COL6A1: variants seen among roughly 807,000 people sequenced by gnomAD.
COL6A1 encodes the protein collagen alpha-1(VI) chain.
A neutral mutation model predicts 145.6 loss-of-function variants in COL6A1; 80 were observed. That is an observed-to-expected ratio of 0.55 (90% CI 0.46 to 0.66). The LOEUF is 0.66. Among genes scored for constraint, COL6A1 ranks in the 30% least tolerant of loss-of-function variants. COL6A1 has a pLI of 0.00. For missense variants in COL6A1, 1,364 were observed against 1,473.8 expected (o/e 0.93, Z 1.22); for synonymous variants, 638 against 622.8 (o/e 1.02, Z -0.36).
intron 28 of COL6A1, 64 bp downstream of exon 28, chr21:46,000,431 C>T (rs1215087952): frequency 6.4e-7 from 1 of 1,571,016 alleles, no homozygotes; most frequent in Non-Finnish European, 8.8e-7. Flanking sequence ...GCCTGTTCCA[C>T]TCCTAGAAGG....
chr21:45,984,175 C>A, intron 2 of COL6A1, 94 bp from the exon 3 acceptor site: 1 of 1,240,716 alleles, frequency 8.1e-7, no homozygotes, highest in Non-Finnish European at 1.1e-6. Context: ...CAGGGTGGGG[C>A]AGCCTGTCCA....
Position 45,991,022 on chromosome 21 carries a change from T to C in COL6A1, c.1100T>C (p.Phe367Ser), listed in dbSNP as rs1382099123. The change falls in exon 15 of 35, where the codon TTT becomes TCT. Residue 367 changes from phenylalanine to serine, a missense_variant. Around this residue, in one of 3 missense-constraint regions of COL6A1, gnomAD observed 938 missense variants for 1,003.8 expected, o/e 0.93. Transcript: ENST00000361866. ...GGCCCCAAGGGAGACCCCGGTGCCT[T>C]TGGACTGAAAGGAGAAAAGGTGAGT... is the stretch of plus-strand genomic sequence containing the variant. ...PPGPKGDPGAFGLKGEKGEPG... is the reference protein window; with the variant it reads ...PPGPKGDPGASGLKGEKGEPG... 1 of 1,613,146 alleles carries C rather than the reference T, an allele frequency of 6.2e-7. No homozygotes were observed. Among genetic ancestry groups the C allele is most frequent in the Non-Finnish European group, 8.5e-7 (1 of 1,179,912 alleles).
At position 45,992,185 on chromosome 21, in the gene COL6A1, C is replaced by A. The variant is rs983326119; in HGVS notation, c.1204C>A (p.Pro402Thr). The change falls in exon 17 of 35, where the codon CCC (proline) becomes ACC (threonine). Residue 402 changes from proline to threonine, a missense_variant. By Grantham distance (38) the Pro-to-Thr change is conservative. Coordinates refer to ENST00000361866, the MANE Select transcript of COL6A1 (RefSeq NM_001848.3). ...GDEGQPGEPG[P>T]PGEKGEAGDE... Reference sequence around the variant, plus strand: ...ACAGGGCCAGCCGGGAGAGCCTGGGCCCCCCGGAGAGAAAGGAGAGGCGGG... The same window carrying A: ...ACAGGGCCAGCCGGGAGAGCCTGGGACCCCCGGAGAGAAAGGAGAGGCGGG... 6.2e-7 allele frequency: 1 copy of A among 1,613,536 alleles called. No homozygotes were observed. The highest frequency in any genetic ancestry group is 8.5e-7 in the Non-Finnish European group (1 of 1,179,986).
rs117826437 is a variant in COL6A1, at chr21:46,004,212, A to G, written c.*199A>G. On this transcript the variant is annotated 3_prime_UTR_variant, in exon 35 of 35. Transcript: ENST00000361866. ...CGGGGCTCAGCCCTGAGTTGGCATC[A>G]CCTGCGCAGGGCCCTCTGGGGCTCA... 1,826 of 699,434 alleles carry G rather than the reference A, an allele frequency of 2.6e-3. 42 individuals carry two copies. In the East Asian group the frequency reaches 0.043, roughly 16 times the overall value. The allele number at this position is 699,434 out of a possible 1,614,324, so 43.3% of individuals were successfully genotyped here.
chr21:45,992,122 G>A (rs749952834), intron 16 of COL6A1, 42 bp from the exon 17 acceptor site: 27 of 1,613,522 alleles, frequency 1.7e-5, no homozygotes, highest in Non-Finnish European at 2.3e-5. Flanking sequence ...CCCAGGGAGG[G>A]TCAAGGAGAT....
chr21:46,002,244 C>CG lies in COL6A1; in HGVS notation c.2096dup (p.Gly700ArgfsTer30). The CG allele has an allele frequency of 6.2e-7, 1 of 1,601,854 alleles. No homozygotes were observed. Among genetic ancestry groups the CG allele is most frequent in the Non-Finnish European group, 8.5e-7 (1 of 1,177,142 alleles). ...GCCATCAAGAGCCTGCAGTGGATGG[C>CG]GGGCGGCACCTTCACGGGGGAGGCC... is the stretch of plus-strand genomic sequence containing the variant. On this transcript the variant is annotated frameshift_variant, in exon 32 of 35. Transcript: ENST00000361866. LOFTEE classifies it high-confidence loss of function.
chr21:45,985,037 G>A (rs1459993184), intron 3 of COL6A1, among the ~76,000 whole-genome samples: 1 of 151,338 alleles, frequency 6.6e-6, no homozygotes, highest in Non-Finnish European at 1.5e-5. Flanking sequence ...GAGAAGCAGA[G>A]ACAGAGAAAC....
At chr21:45,993,028 G>C (rs369857779) in intron 19 of COL6A1, among the ~76,000 whole-genome samples, 2 of 152,226 alleles carry the variant, frequency 1.3e-5, no homozygotes, top group African/African-American at 4.8e-5. Flanking sequence ...GGCGTTGCCC[G>C]TGGACCCGGT....
rs766529458 is a variant in COL6A1, at chr21:45,992,745, C to T, written c.1273-3C>T. On this transcript the variant is annotated splice_polypyrimidine_tract_variant and splice_region_variant and intron_variant, in intron 18 of 34. Transcript: ENST00000361866. Reference sequence around the variant, plus strand: ...CTTCTCCCCTCCATGTCTCTCCACTCAGGGTGGCCCTGGAGAGAGAGGACC... The same window carrying T: ...CTTCTCCCCTCCATGTCTCTCCACTTAGGGTGGCCCTGGAGAGAGAGGACC... 1.9e-6 allele frequency: 3 copies of T among 1,589,008 alleles called. No homozygotes were observed. The African/African-American group carries it at 4.0e-5, about 21-fold the overall frequency.
rs374735117 is a variant in COL6A1, at chr21:45,999,598, C to T, written c.1741-59C>T. 2.0e-4 allele frequency: 320 copies of T among 1,589,974 alleles called. 2 individuals carry two copies. The African/African-American group carries it at 3.9e-3, about 19-fold the overall frequency. On this transcript the variant is annotated intron_variant, in intron 26 of 34. Coordinates refer to ENST00000361866, the MANE Select transcript of COL6A1 (RefSeq NM_001848.3). ...GCCCTGGGGGTGGGGGCTGTCTCAG[C>T]TCAGGAAGCACAGTGGGCTCCTCAC...
At chr21:46,001,218 G>A (rs753293819) in intron 29 of COL6A1, 35 bp from the exon 30 acceptor site, 11 of 1,592,584 alleles carry the variant, frequency 6.9e-6, no homozygotes, top group Admixed American at 6.7e-5. Context: ...CTGGAGGGGA[G>A]GGGCGTGCTC....
intron 3 of COL6A1, among the ~76,000 whole-genome samples, chr21:45,985,754 G>A (rs921536392): frequency 6.6e-6 from 1 of 152,238 alleles, no homozygotes. Flanking sequence ...CCCCGAGGTC[G>A]GTCTCAGAGG....
intron 3 of COL6A1, among the ~76,000 whole-genome samples, chr21:45,984,751 A>G (rs1221527855): frequency 6.6e-6 from 1 of 150,416 alleles, no homozygotes; most frequent in Non-Finnish European, 1.5e-5. Context: ...CAGAGGGACC[A>G]AGACAGGCAG....
At chr21:45,986,135 C>T (rs997550150) in intron 3 of COL6A1, among the ~76,000 whole-genome samples, 1 of 152,178 alleles carries the variant, frequency 6.6e-6, no homozygotes, top group Admixed American at 6.5e-5. Flanking sequence ...CCTGCAAGAG[C>T]CACGGTGACC....
Position 45,981,963 on chromosome 21 carries a change from G to A in COL6A1, c.97+16G>A, listed in dbSNP as rs752565570. 1.2e-5 allele frequency: 19 copies of A among 1,587,466 alleles called. No homozygotes were observed. Among genetic ancestry groups the A allele is most frequent in the Non-Finnish European group, 1.5e-5 (18 of 1,163,676 alleles). On this transcript the variant is annotated intron_variant, in intron 1 of 34. Transcript: ENST00000361866. ...GCCTTCCAGGGTGAGTGGTGGCTTGGGGTGCAGGCTCCAGACCCCCCGCTC... is the reference window on the plus strand; with the variant it reads ...GCCTTCCAGGGTGAGTGGTGGCTTGAGGTGCAGGCTCCAGACCCCCCGCTC...
At chr21:45,999,923 A>G (rs1236141147) in intron 27 of COL6A1, among the ~76,000 whole-genome samples, 17 of 39,742 alleles carry the variant, frequency 4.3e-4, no homozygotes, top group Non-Finnish European at 6.7e-4. Context: ...CATGGGGGAC[A>G]TGTGAGGATC....
chr21:45,984,428 C>A lies in COL6A1; in HGVS notation c.387C>A (p.Thr129=), dbSNP rs377140588. ...AVKYFGKGTY[T]DCAIKKGLEQ... ...AGTACTTTGGGAAGGGCACCTACACCGACTGCGCTATCAAGAAGGGGCTGG... is the reference window on the plus strand; with the variant it reads ...AGTACTTTGGGAAGGGCACCTACACAGACTGCGCTATCAAGAAGGGGCTGG... The change falls in exon 3 of 35, where the codon ACC becomes ACA. Residue 129 remains threonine (T), a synonymous_variant. Coordinates refer to ENST00000361866, the MANE Select transcript of COL6A1 (RefSeq NM_001848.3). The A allele has an allele frequency of 2.9e-5, 47 of 1,612,262 alleles. No homozygotes were observed. The highest frequency in any genetic ancestry group is 1.3e-4 in the Admixed American group (8 of 60,030).
At chr21:45,986,220 C>T (rs1461744799) in intron 3 of COL6A1, among the ~76,000 whole-genome samples, 2 of 152,220 alleles carry the variant, frequency 1.3e-5, no homozygotes, top group African/African-American at 4.8e-5. Flanking sequence ...CTGCCACCCT[C>T]AGCCTCCACT....
chr21:45,990,690 T>C (rs1373489323), intron 13 of COL6A1, 83 bp from the exon 14 acceptor site: 2 of 1,277,748 alleles, frequency 1.6e-6, no homozygotes, highest in Admixed American at 1.7e-5. Context: ...GTGGAGGGCA[T>C]GGAGGGCACC....
Sources: allele counts gnomAD v4.1 joint callset (sites outside exome capture counted in the v4.1 genomes callset), GRCh38; gene constraint gnomAD v4.1.1; regional missense constraint gnomAD v4.1.1; transcripts MANE v1.5; gene names NCBI Gene and HGNC (gene_info 2026-07-23, HGNC 2026-07-21).